Variants in KIRREL3 observed in about 807,000 individuals in gnomAD.
KIRREL3 encodes kirre like nephrin family adhesion molecule 3, also known as kin of IRRE-like protein 3.
A neutral mutation model predicts 89.7 loss-of-function variants in KIRREL3; 36 were observed. That is an observed-to-expected ratio of 0.40 (90% confidence interval 0.31 to 0.53). The LOEUF is 0.53. KIRREL3 is among the 20% of genes least tolerant of loss of function. The pLI is 0.49. For synonymous variants in KIRREL3, 445 were observed against 441.4 expected (o/e 1.01, Z -0.10); for missense variants, 864 against 1,056.6 (o/e 0.82, Z 2.53).
rs1941166024 is a variant in KIRREL3 at position 126,574,791 on chromosome 11, C to T, written c.56-11879G>A. 6.6e-6 allele frequency among the ~76,000 whole-genome samples: 1 copy of T among 152,194 alleles called. No individual in the cohort carries two copies. Among genetic ancestry groups the T allele is most frequent in the African/African-American group, 2.4e-5 (1 of 41,434 alleles). On this transcript the variant is annotated intron_variant, in intron 1 of 16. Coordinates refer to ENST00000525144, the MANE Select transcript of KIRREL3 (RefSeq NM_032531.4). This position sits in a 1 kb window ranked among gnomAD's most constrained non-coding sequence, Gnocchi z 5.3. ...TGCTTATGAACCACTTCCACCCTTG[C>T]CTACCTACTCCTGCCAACCCATTCA...
Position 126,530,146 on chromosome 11 carries a change from G to C in KIRREL3, c.134-3459C>G, listed in dbSNP as rs1046361962. Among the ~76,000 whole-genome samples the C allele has an allele frequency of 6.6e-5, 10 of 151,964 alleles. No individual in the cohort carries two copies. Among genetic ancestry groups the C allele is most frequent in the South Asian group, 2.1e-4 (1 of 4,808 alleles). ...TGTCGCCCAGGCTGGAGTTCAGTGG[G>C]GCAATCTTGGCTCACTGCAACCTTT... On this transcript the variant is annotated intron_variant, in intron 2 of 16. Coordinates refer to ENST00000525144, the MANE Select transcript of KIRREL3 (RefSeq NM_032531.4). This position sits in a 1 kb window ranked among gnomAD's most constrained non-coding sequence, Gnocchi z 5.8.
At position 126,948,677 on chromosome 11, in the gene KIRREL3, AC is replaced by A. The variant is rs1482099820; in HGVS notation, c.55+51777del. On this transcript the variant is annotated intron_variant, in intron 1 of 16. Transcript: ENST00000525144. This position sits in a 1 kb window ranked among gnomAD's most constrained non-coding sequence, Gnocchi z 4.5. ...TCTTCAAAATCTGGCTAGGATTTCCACCTCCTCAGGGAGTCTGCCTTGACTG... is the reference window on the plus strand; with the variant it reads ...TCTTCAAAATCTGGCTAGGATTTCCACTCCTCAGGGAGTCTGCCTTGACTG... Among the ~76,000 whole-genome samples, 1 of 152,266 alleles carries A rather than the reference AC, an allele frequency of 6.6e-6. No homozygotes were observed. The highest frequency in any genetic ancestry group is 1.9e-4 in the East Asian group (1 of 5,186).
intron 1 of KIRREL3, among the ~76,000 whole-genome samples, chr11:126,939,299 G>A (rs1619818): frequency 0.91 from 139,102 of 152,248 alleles, 63,739 homozygotes; most frequent in African/African-American, 0.98. Flanking sequence ...CTCCACCTTC[G>A]AGCGCTTAAT....
rs1947144770 is a variant in KIRREL3, at chr11:126,918,751, G to A, written c.55+81704C>T. On this transcript the variant is annotated intron_variant, in intron 1 of 16. Coordinates refer to ENST00000525144, the MANE Select transcript of KIRREL3 (RefSeq NM_032531.4). This position sits in a 1 kb window ranked among gnomAD's most constrained non-coding sequence, Gnocchi z 6.5. ...TTCAAAATCTTTTCCTGCATTGGAT[G>A]CCAGGCAGCCATTGTAATCAATTGC... Among the ~76,000 whole-genome samples the A allele has an allele frequency of 6.6e-6, 1 of 152,124 alleles. No homozygotes were observed. Among genetic ancestry groups the A allele is most frequent in the Non-Finnish European group, 1.5e-5 (1 of 68,024 alleles).
chr11:126,733,747 CT>C (rs938251991), intron 1 of KIRREL3, among the ~76,000 whole-genome samples: 1 of 152,128 alleles, frequency 6.6e-6, no homozygotes, highest in African/African-American at 2.4e-5. Context: ...TCCCTTAGCC[CT>C]TTTTTTCCCT....
intron 1 of KIRREL3, among the ~76,000 whole-genome samples, chr11:126,913,189 T>A (rs1003608177): frequency 1.3e-5 from 2 of 152,198 alleles, no homozygotes; most frequent in Non-Finnish European, 2.9e-5. Flanking sequence ...TCAATAGTGA[T>A]TGCAGGTGAC....
rs1299928652 is a variant in KIRREL3 at position 126,697,378 on chromosome 11, G to GAACCTGTTTTCTTATAT, written c.56-134467_56-134466insATATAAGAAAACAGGTT. On this transcript the variant is annotated intron_variant, in intron 1 of 16. Coordinates refer to ENST00000525144, the MANE Select transcript of KIRREL3 (RefSeq NM_032531.4). This position sits in a 1 kb window ranked among gnomAD's most constrained non-coding sequence, Gnocchi z 4.2. ...CTTGGACAAGCCACTCAACCCCTAGGAACCTGTTTTCTTATCTAGAACATG... is the reference window on the plus strand; with the variant it reads ...CTTGGACAAGCCACTCAACCCCTAGGAACCTGTTTTCTTATATAACCTGTTTTCTTATCTAGAACATG... 3.9e-5 allele frequency among the ~76,000 whole-genome samples: 6 copies of GAACCTGTTTTCTTATAT among 152,158 alleles called. No homozygotes were observed. The highest frequency in any genetic ancestry group is 3.9e-4 in the Admixed American group (6 of 15,276).
At chr11:126,873,898 A>G (rs1945186586) in intron 1 of KIRREL3, among the ~76,000 whole-genome samples, 1 of 152,232 alleles carries the variant, frequency 6.6e-6, no homozygotes, top group South Asian at 2.1e-4. Flanking sequence ...GCAGGGCCAC[A>G]TATTGGGGCA....
Position 126,905,967 on chromosome 11 carries a change from T to C in KIRREL3, c.55+94488A>G, listed in dbSNP as rs370233178. On this transcript the variant is annotated intron_variant, in intron 1 of 16. Transcript: ENST00000525144. The surrounding 1 kb of genome is among the most constrained non-coding windows in gnomAD (Gnocchi z 5.0). Reference sequence around the variant, plus strand: ...AGAGCCATTCTGTTTGGGGTTTGTCTACAAAATTGTCAGTTCAGGTCTCCA... The same window carrying C: ...AGAGCCATTCTGTTTGGGGTTTGTCCACAAAATTGTCAGTTCAGGTCTCCA... Among the ~76,000 whole-genome samples, 76 of 152,360 alleles carry C rather than the reference T, an allele frequency of 5.0e-4. No homozygotes were observed. Among genetic ancestry groups the C allele is most frequent in the Non-Finnish European group, 9.3e-4 (63 of 68,034 alleles).
intron 1 of KIRREL3, among the ~76,000 whole-genome samples, chr11:126,711,417 TG>T (rs34592673): frequency 2.6e-5 from 4 of 151,992 alleles, no homozygotes; most frequent in Admixed American, 6.6e-5. Flanking sequence ...AGAAATTAGC[TG>T]GGGGGTGGTG....
chr11:126,935,802 T>C (rs1210388587), intron 1 of KIRREL3: 1 of 152,206 alleles, frequency 6.6e-6, no homozygotes, highest in African/African-American at 2.4e-5. Flanking sequence ...ACGTGGTAGA[T>C]GCAAGTCATT....
rs1555174481 is a variant in KIRREL3, at chr11:126,680,413, T to TATATATACATATATATATAC, written c.56-117502_56-117501insGTATATATATATGTATATAT. On this transcript the variant is annotated intron_variant, in intron 1 of 16. Coordinates refer to ENST00000525144, the MANE Select transcript of KIRREL3 (RefSeq NM_032531.4). ...TCTACTGGAGATATATATATATATA[T>TATATATACATATATATATAC]ATACACATAGCCAGCAGCCAACAGA... is the stretch of plus-strand genomic sequence containing the variant. 4.2e-3 allele frequency among the ~76,000 whole-genome samples: 627 copies of TATATATACATATATATATAC among 148,958 alleles called. 3 individuals are homozygous for TATATATACATATATATATAC. Among genetic ancestry groups the TATATATACATATATATATAC allele is most frequent in the African/African-American group, 0.016 (609 of 38,570 alleles).
In KIRREL3 at chr11:126,459,449, C is replaced by T. The variant is rs557785853; in HGVS notation, c.743-2995G>A. ...TCACAAGGGTTCCACACTCACTGGC[C>T]ATATCTGCACCTCCACCCCAAGACC... is the stretch of plus-strand genomic sequence containing the variant. On this transcript the variant is annotated intron_variant, in intron 6 of 16. Coordinates refer to ENST00000525144, the MANE Select transcript of KIRREL3 (RefSeq NM_032531.4). The surrounding 1 kb of genome is among the most constrained non-coding windows in gnomAD (Gnocchi z 4.8). Among the ~76,000 whole-genome samples the T allele has an allele frequency of 2.8e-4, 42 of 152,260 alleles. No individual in the cohort carries two copies. Among genetic ancestry groups the T allele is most frequent in the Non-Finnish European group, 5.9e-4 (40 of 68,018 alleles).
At chr11:126,785,618 C>T (rs1242092820) in intron 1 of KIRREL3, among the ~76,000 whole-genome samples, 2 of 152,100 alleles carry the variant, frequency 1.3e-5, no homozygotes, top group African/African-American at 4.8e-5. Context: ...TGGCTCATGC[C>T]TGTAATCCCA....
rs1940226621 is a variant in KIRREL3 at position 126,562,823 on chromosome 11, G to T, written c.133+12C>A. ...AGATTACTCCCGAGACAATGGGGAG[G>T]TTCTCACTGACCTTCATTCATTCTC... On this transcript the variant is annotated intron_variant, in intron 2 of 16. Transcript: ENST00000525144. The surrounding 1 kb of genome is among the most constrained non-coding windows in gnomAD (Gnocchi z 4.7). 1.2e-6 allele frequency: 2 copies of T among 1,610,878 alleles called. No homozygotes were observed. Among genetic ancestry groups the T allele is most frequent in the African/African-American group, 1.3e-5 (1 of 74,866 alleles).
intron 1 of KIRREL3, among the ~76,000 whole-genome samples, chr11:126,738,652 A>G (rs1948883268): frequency 6.6e-6 from 1 of 152,224 alleles, no homozygotes; most frequent in South Asian, 2.1e-4. Flanking sequence ...TGAGGTTACC[A>G]TAGCCACCCC....
At chr11:126,832,879 C>T (rs1428643603) in intron 1 of KIRREL3, among the ~76,000 whole-genome samples, 1 of 152,022 alleles carries the variant, frequency 6.6e-6, no homozygotes, top group Non-Finnish European at 1.5e-5. Flanking sequence ...CGGCATATTC[C>T]CTTTAACATG....
intron 1 of KIRREL3, among the ~76,000 whole-genome samples, chr11:126,850,790 G>C (rs1944313948): frequency 6.6e-6 from 1 of 152,192 alleles, no homozygotes; most frequent in Non-Finnish European, 1.5e-5. Flanking sequence ...AGCTGTGCAG[G>C]GGACCTGAGG....
chr11:126,693,607 C>CCACACACACACACACACACA (rs34918602), intron 1 of KIRREL3, among the ~76,000 whole-genome samples: 4 of 149,884 alleles, frequency 2.7e-5, no homozygotes, highest in African/African-American at 4.9e-5. Context: ...GTGCCTGTGA[C>CCACACACACACACACACACA]CACACACACA....
Sources: allele counts gnomAD v4.1 joint callset (sites outside exome capture counted in the v4.1 genomes callset), GRCh38; gene constraint gnomAD v4.1.1; non-coding constraint Gnocchi (gnomAD v3.1); transcripts MANE v1.5; gene names NCBI Gene and HGNC (gene_info 2026-07-23, HGNC 2026-07-21).